SETDB2: variants seen among roughly 807,000 people sequenced by gnomAD.
SETDB2 encodes histone-lysine N-methyltransferase SETDB2.
SETDB2 carries 56 observed loss-of-function variants against 82.5 expected under a neutral mutation model. The ratio of observed to expected loss-of-function variants is 0.68; its 90% CI spans 0.55 to 0.85. The LOEUF (loss-of-function observed/expected upper bound fraction) is 0.85. SETDB2 is among the 40% of genes least tolerant of loss of function. The pLI is 0.00. For synonymous variants in SETDB2, 272 were observed against 284.9 expected, an observed-to-expected ratio of 0.95 and a Z score of 0.46; for missense variants, 677 against 816.4, an observed-to-expected ratio of 0.83 and a Z score of 2.08.
At chr13:49,477,318 C>T (rs1021848090) in intron 6 of SETDB2, among the ~76,000 whole-genome samples, 2 of 152,054 alleles carry the variant, frequency 1.3e-5, no homozygotes, top group African/African-American at 4.8e-5. Context: ...CATCTATAGT[C>T]CCAGCTACTC....
rs76613553 is a variant in SETDB2 at position 49,448,461 on chromosome 13, C to T, written c.-341-3092C>T. On this transcript the variant is annotated intron_variant, in intron 1 of 13. Transcript: ENST00000611815. ...CTTGGCATGCTGCTTTGGCAAAATCCTTCAGGCTTTGAAATGTATTACTTC... is the reference window on the plus strand; with the variant it reads ...CTTGGCATGCTGCTTTGGCAAAATCTTTCAGGCTTTGAAATGTATTACTTC... Among the ~76,000 whole-genome samples, 585 of 152,178 alleles carry T rather than the reference C, an allele frequency of 3.8e-3. 3 individuals carry two copies. Among genetic ancestry groups the T allele is most frequent in the Non-Finnish European group, 6.5e-3 (444 of 67,988 alleles).
intron 11 of SETDB2, among the ~76,000 whole-genome samples, chr13:49,486,191 G>A (rs569709791): frequency 6.6e-6 from 1 of 152,034 alleles, no homozygotes; most frequent in African/African-American, 2.4e-5. Context: ...TGAGGTCTTA[G>A]CTACTCAGGG....
intron 8 of SETDB2, among the ~76,000 whole-genome samples, chr13:49,481,608 G>T (rs1958478446): frequency 6.6e-6 from 1 of 152,224 alleles, no homozygotes; most frequent in Admixed American, 6.5e-5. Context: ...GGACTGCAGA[G>T]AGTTGTCCAT....
chr13:49,465,784 G>T (rs367783966), intron 4 of SETDB2, among the ~76,000 whole-genome samples: 1 of 152,038 alleles, frequency 6.6e-6, no homozygotes, highest in East Asian at 1.9e-4. Context: ...TGATCCACCC[G>T]CCTTGGCCTC....
chr13:49,485,674 A>T lies in SETDB2; in HGVS notation c.1527A>T (p.Gly509=). ...CTGTCACTCCAGAAGATAATGATGG[A>T]TTTAAACCACCCCGAGAGCATCTGA... is the stretch of plus-strand genomic sequence containing the variant. ...SESVTPEDND[G]FKPPREHLNS... The change falls in exon 11 of 14, where the codon GGA becomes GGT. Residue 509 remains glycine (G), a synonymous_variant. Transcript: ENST00000611815. The T allele has an allele frequency of 6.2e-7, 1 of 1,614,008 alleles. No individual in the cohort carries two copies. The highest frequency in any genetic ancestry group is 2.2e-5 in the East Asian group (1 of 44,876).
In SETDB2 at chr13:49,492,592, G is replaced by A. The variant is rs1958733579; in HGVS notation, c.*743G>A. 6.6e-6 allele frequency: 1 copy of A among 152,208 alleles called. No individual in the cohort carries two copies. Among genetic ancestry groups the A allele is most frequent in the Non-Finnish European group, 1.5e-5 (1 of 68,052 alleles). 9.4% of individuals were successfully genotyped at this position (152,208 alleles called of 1,614,324 possible). Reference sequence around the variant, plus strand: ...TAGATAGAGATACAGTTACTGAAAAGGAAACCTAGAAAGTAGTCACACGTT... The same window carrying A: ...TAGATAGAGATACAGTTACTGAAAAAGAAACCTAGAAAGTAGTCACACGTT... On this transcript the variant is annotated 3_prime_UTR_variant, in exon 14 of 14. Transcript: ENST00000611815.
chr13:49,477,996 T>C (rs1958404690), intron 6 of SETDB2, among the ~76,000 whole-genome samples: 1 of 152,230 alleles, frequency 6.6e-6, no homozygotes, highest in Non-Finnish European at 1.5e-5. Flanking sequence ...TATACAGATG[T>C]AGAGTGGTGT....
intron 2 of SETDB2, among the ~76,000 whole-genome samples, chr13:49,453,471 A>G (rs1219712263): frequency 6.6e-6 from 1 of 151,544 alleles, no homozygotes; most frequent in African/African-American, 2.4e-5. Context: ...TAATTTTTGT[A>G]TTTTTAGTAG....
intron 11 of SETDB2, 128 bp from the exon 12 acceptor site, chr13:49,488,162 A>C (rs1657068261): frequency 2.3e-6 from 3 of 1,321,412 alleles, no homozygotes; most frequent in Non-Finnish European, 2.9e-6. Context: ...AATTAAAATA[A>C]TACTACCTGC....
At chr13:49,489,749 CCAT>C (rs1440845191) in intron 12 of SETDB2, among the ~76,000 whole-genome samples, 1 of 150,832 alleles carries the variant, frequency 6.6e-6, no homozygotes, top group Admixed American at 6.6e-5. Context: ...GTGTGCACCA[CCAT>C]GCCTGGCTAA....
In SETDB2 at chr13:49,444,338, C is replaced by G; in HGVS notation, c.-861C>G. Reference sequence around the variant, plus strand: ...GGGACTGTTGTGGTTGAGATGAAGGCTAGTAAATGGTGAAGTACTTCCCGG... The same window carrying G: ...GGGACTGTTGTGGTTGAGATGAAGGGTAGTAAATGGTGAAGTACTTCCCGG... On this transcript the variant is annotated 5_prime_UTR_variant, in exon 1 of 14. Transcript: ENST00000611815. The G allele has an allele frequency of 3.8e-6, 1 of 261,872 alleles. No individual in the cohort carries two copies. Among genetic ancestry groups the G allele is most frequent in the Non-Finnish European group, 7.7e-6 (1 of 130,100 alleles). The allele number at this position is 261,872 out of a possible 1,614,324, so 16.2% of individuals were successfully genotyped here.
intron 1 of SETDB2, among the ~76,000 whole-genome samples, chr13:49,448,746 A>G (rs57464246): frequency 0.035 from 5,299 of 152,208 alleles, 111 homozygotes; most frequent in Middle Eastern, 0.085. Context: ...GCAGGGTTCT[A>G]TATATTTTTT....
chr13:49,444,484 G>T lies in SETDB2; in HGVS notation c.-715G>T. On this transcript the variant is annotated 5_prime_UTR_variant, in exon 1 of 14. Transcript: ENST00000611815. ...AGCTCACTCCTCAGGTCAGGCGGGC[G>T]GCGTAGAAAACGCAGCGGAGCCAGG... 1 of 162,030 alleles carries T rather than the reference G, an allele frequency of 6.2e-6. No homozygotes were observed. Among genetic ancestry groups the T allele is most frequent in the Non-Finnish European group, 1.4e-5 (1 of 72,448 alleles). 10.0% of individuals were successfully genotyped at this position (162,030 alleles called of 1,614,324 possible).
intron 1 of SETDB2, among the ~76,000 whole-genome samples, chr13:49,448,631 C>T (rs756800646): frequency 1.3e-5 from 2 of 152,106 alleles, no homozygotes; most frequent in Non-Finnish European, 2.9e-5. Context: ...TGACTATGCT[C>T]TGTGTAAACA....
intron 1 of SETDB2, among the ~76,000 whole-genome samples, chr13:49,450,528 A>C: frequency 6.6e-6 from 1 of 152,138 alleles, no homozygotes; most frequent in East Asian, 1.9e-4. Flanking sequence ...GAGGACTCTC[A>C]GTTGTGCATT....
chr13:49,452,780 T>C (rs1195302491), intron 2 of SETDB2, among the ~76,000 whole-genome samples: 2 of 152,188 alleles, frequency 1.3e-5, no homozygotes, highest in African/African-American at 2.4e-5. Context: ...GTTGGAATTA[T>C]TGTCTGATGT....
At chr13:49,487,631 C>A (rs1192128656) in intron 11 of SETDB2, among the ~76,000 whole-genome samples, 1 of 152,194 alleles carries the variant, frequency 6.6e-6, no homozygotes, top group Non-Finnish European at 1.5e-5. Flanking sequence ...CATGAGCCAC[C>A]ATGCCCAGCC....
Position 49,451,923 on chromosome 13 carries a change from C to A in SETDB2, c.16+14C>A. On this transcript the variant is annotated intron_variant, in intron 2 of 13. Coordinates refer to ENST00000611815, the MANE Select transcript of SETDB2 (RefSeq NM_001160308.3). ...GAGAAAAAAATGGTAGGTTGAAGAA[C>A]ACACTGTTACACTTTATATCTAAAA... The A allele has an allele frequency of 6.4e-7, 1 of 1,566,998 alleles. No homozygotes were observed. Among genetic ancestry groups the A allele is most frequent in the Non-Finnish European group, 8.7e-7 (1 of 1,146,134 alleles).
chr13:49,450,941 A>G (rs973384350), intron 1 of SETDB2, among the ~76,000 whole-genome samples: 34 of 150,468 alleles, frequency 2.3e-4, no homozygotes, highest in African/African-American at 7.8e-4. Flanking sequence ...ATAGAGGTTT[A>G]TATTATTAAT....
Sources: gnomAD v4.1 joint callset for allele counts (sites outside exome capture counted in the v4.1 genomes callset) on GRCh38, gnomAD v4.1.1 for gene constraint, MANE v1.5 for transcripts, NCBI Gene and HGNC (gene_info 2026-07-23, HGNC 2026-07-21) for gene names.